The following DAPK1 variants were observed in gnomAD, a reference collection of about 807,000 sequenced individuals.
The protein encoded by DAPK1 is death-associated protein kinase 1.
In DAPK1, 56 loss-of-function variants were observed where a neutral mutation model predicts 144.9. The ratio of observed to expected loss-of-function variants is 0.39; its 90% CI spans 0.31 to 0.48. The LOEUF (loss-of-function observed/expected upper bound fraction) is 0.48. DAPK1 is among the 20% of genes least tolerant of loss of function. The probability of loss-of-function intolerance (pLI) is 0.95; values close to 1 mark genes in which losing one functional copy is unlikely to be tolerated. For synonymous variants in DAPK1, 690 were observed against 749.0 expected (o/e 0.92, Z 1.29); for missense variants, 1,454 against 1,875.4 (o/e 0.78, Z 4.15).
At position 87,633,207 on chromosome 9, in the gene DAPK1, G is replaced by A. The variant is rs975302748; in HGVS notation, c.285-4736G>A. 14 of 983,584 alleles carry A rather than the reference G, an allele frequency of 1.4e-5. No individual in the cohort carries two copies. In the Admixed American group the frequency reaches 8.0e-4, roughly 56 times the overall value. The allele number at this position is 983,584 out of a possible 1,614,324, so 60.9% of individuals were successfully genotyped here. On this transcript the variant is annotated intron_variant, in intron 3 of 25. Transcript: ENST00000408954. ...GATCAGTATATATGTAGGGATGAAG[G>A]AGATTGAGTACATATGTAGGGATGA...
At chr9:87,645,821 G>A in intron 11 of DAPK1, 74 bp from the exon 12 acceptor site, 1 of 1,571,132 alleles carries the variant, frequency 6.4e-7, no homozygotes, top group South Asian at 1.2e-5. Flanking sequence ...AGTGAGCACA[G>A]GTTTCTTTTA....
chr9:87,564,071 T>C (rs2118680080), intron 2 of DAPK1, among the ~76,000 whole-genome samples: 1 of 152,326 alleles, frequency 6.6e-6, no homozygotes, highest in South Asian at 2.1e-4. Context: ...CCCAGGTGCT[T>C]CTCCGGATTC....
At chr9:87,619,255 T>C (rs2119031917) in intron 3 of DAPK1, among the ~76,000 whole-genome samples, 1 of 152,348 alleles carries the variant, frequency 6.6e-6, no homozygotes, top group South Asian at 2.1e-4. Flanking sequence ...TTATAGCACA[T>C]ACTGTACTGT....
At chr9:87,557,501 AAATG>A (rs1826762324) in intron 2 of DAPK1, among the ~76,000 whole-genome samples, 1 of 152,390 alleles carries the variant, frequency 6.6e-6, no homozygotes, top group South Asian at 2.1e-4. Flanking sequence ...AAATAATATT[AAATG>A]GTCAGTAGCT....
intron 17 of DAPK1, among the ~76,000 whole-genome samples, chr9:87,652,466 C>A (rs555470469): frequency 1.5e-5 from 2 of 135,494 alleles, no homozygotes; most frequent in South Asian, 2.8e-4. Flanking sequence ...TGTCCTCCCA[C>A]CTGATCCCGG....
intron 19 of DAPK1, among the ~76,000 whole-genome samples, chr9:87,675,848 TACACACACACACACACACAC>T (rs763359644): frequency 1.0e-4 from 12 of 117,318 alleles, no homozygotes; most frequent in African/African-American, 3.0e-4. Context: ...CATTCTACCC[TACACACACACACACACACAC>T]ACACACACAC....
intron 18 of DAPK1, among the ~76,000 whole-genome samples, chr9:87,667,555 G>C (rs1460559343): frequency 2.6e-5 from 4 of 152,210 alleles, no homozygotes; most frequent in African/African-American, 9.7e-5. Context: ...GAGCAACAGT[G>C]TCTGAATGGG....
In DAPK1 at chr9:87,648,821, A is replaced by G. The variant is rs764392516; in HGVS notation, c.1370A>G (p.His457Arg). The change falls in exon 15 of 26, where the codon CAT becomes CGT. Residue 457 changes from histidine to arginine, a missense_variant. This residue lies in a region of DAPK1 where 429 missense variants were observed against 637.5 expected (regional missense o/e 0.67). Coordinates refer to ENST00000408954, the MANE Select transcript of DAPK1 (RefSeq NM_004938.4). ...MALHVAARYG[H>R]ADVAQLLCSF... Reference sequence around the variant, plus strand: ...CTCCACGTGGCAGCTCGCTATGGCCATGCTGACGTGGCTCAGTTACTGTGC... The same window carrying G: ...CTCCACGTGGCAGCTCGCTATGGCCGTGCTGACGTGGCTCAGTTACTGTGC... 1 of 1,614,266 alleles carries G rather than the reference A, an allele frequency of 6.2e-7. No individual in the cohort carries two copies. Among genetic ancestry groups the G allele is most frequent in the Non-Finnish European group, 8.5e-7 (1 of 1,180,052 alleles).
intron 18 of DAPK1, among the ~76,000 whole-genome samples, chr9:87,666,725 C>T (rs999531005): frequency 6.6e-6 from 1 of 152,114 alleles, no homozygotes; most frequent in African/African-American, 2.4e-5. Flanking sequence ...CCACCCACCT[C>T]AGCCTCCCAA....
At chr9:87,678,134 G>A (rs528867517) in intron 19 of DAPK1, among the ~76,000 whole-genome samples, 7 of 152,302 alleles carry the variant, frequency 4.6e-5, no homozygotes, top group South Asian at 2.1e-4. Flanking sequence ...AGACCACCTC[G>A]TGTTCTACAG....
chr9:87,635,077 T>C (rs974178150), intron 3 of DAPK1, among the ~76,000 whole-genome samples: 3 of 152,062 alleles, frequency 2.0e-5, no homozygotes, highest in African/African-American at 7.2e-5. Context: ...ATTTGAACCA[T>C]GGTCCCCTCG....
chr9:87,569,650 C>T (rs1283346191), intron 2 of DAPK1, among the ~76,000 whole-genome samples: 1 of 152,132 alleles, frequency 6.6e-6, no homozygotes, highest in Non-Finnish European at 1.5e-5. Flanking sequence ...GGGTGCAGAA[C>T]TGGATCCTGT....
At chr9:87,620,965 A>G (rs1209447791) in intron 3 of DAPK1, among the ~76,000 whole-genome samples, 1 of 152,178 alleles carries the variant, frequency 6.6e-6, no homozygotes, top group African/African-American at 2.4e-5. Context: ...CCATTAAAGC[A>G]ACCAGAGACT....
chr9:87,515,353 C>A (rs1825011967), intron 2 of DAPK1, among the ~76,000 whole-genome samples: 1 of 152,154 alleles, frequency 6.6e-6, no homozygotes, highest in Admixed American at 6.5e-5. Flanking sequence ...TTTGCTAAGC[C>A]CTGCTCTGTT....
chr9:87,536,633 TAAATC>T (rs1825869983), intron 2 of DAPK1, among the ~76,000 whole-genome samples: 1 of 152,190 alleles, frequency 6.6e-6, no homozygotes, highest in African/African-American at 2.4e-5. Context: ...CATAAATAAA[TAAATC>T]AGGGAGCTGA....
At chr9:87,649,485 G>C (rs998531418) in intron 15 of DAPK1, among the ~76,000 whole-genome samples, 4 of 152,242 alleles carry the variant, frequency 2.6e-5, no homozygotes, top group Non-Finnish European at 5.9e-5. Context: ...GTTGCTGGAA[G>C]AATTCATGCT....
chr9:87,553,243 T>G (rs1826563711), intron 2 of DAPK1, among the ~76,000 whole-genome samples: 1 of 151,176 alleles, frequency 6.6e-6, no homozygotes. Context: ...GTCTGTCATG[T>G]GGGGGGGGTT....
chr9:87,693,936 C>T (rs1198115375), intron 21 of DAPK1, among the ~76,000 whole-genome samples: 1 of 152,130 alleles, frequency 6.6e-6, no homozygotes, highest in African/African-American at 2.4e-5. Context: ...GTGGGCCAGT[C>T]CTCAGAACCT....
At chr9:87,500,718 G>T (rs978348443) in intron 2 of DAPK1, among the ~76,000 whole-genome samples, 2 of 152,086 alleles carry the variant, frequency 1.3e-5, no homozygotes, top group Admixed American at 6.6e-5. Flanking sequence ...TATTTCGTGG[G>T]CGTGATGATG....
Sources: gnomAD v4.1 joint callset for allele counts (sites outside exome capture counted in the v4.1 genomes callset) on GRCh38, gnomAD v4.1.1 for gene constraint, gnomAD v4.1.1 regional missense constraint, MANE v1.5 for transcripts, NCBI Gene and HGNC (gene_info 2026-07-23, HGNC 2026-07-21) for gene names.